PCDH15: variants seen among roughly 807,000 people sequenced by gnomAD.
The protein encoded by PCDH15 is protocadherin related 15.
In PCDH15, 129 loss-of-function variants were observed where a neutral mutation model predicts 178.5. The observed-to-expected ratio is 0.72, with a 90% CI of 0.63 to 0.84. The LOEUF (loss-of-function observed/expected upper bound fraction) is 0.84. PCDH15 is among the 40% of genes least tolerant of loss of function. The probability of loss-of-function intolerance (pLI) is 0.00; values close to 1 mark genes in which losing one functional copy is unlikely to be tolerated. For synonymous variants in PCDH15, 800 were observed against 732.0 expected (o/e 1.09, Z -1.50); for missense variants, 2,230 against 2,099.9 (o/e 1.06, Z -1.21).
chr10:54,106,646 T>C (rs747690903), intron 15 of PCDH15, among the ~76,000 whole-genome samples: 8 of 152,300 alleles, frequency 5.3e-5, no homozygotes, highest in South Asian at 4.1e-4. Flanking sequence ...TCAAGTGGTA[T>C]AGGATTAGAC....
At chr10:54,377,129 A>G (rs1055156631) in intron 4 of PCDH15, among the ~76,000 whole-genome samples, 5 of 152,276 alleles carry the variant, frequency 3.3e-5, no homozygotes, top group African/African-American at 1.2e-4. Flanking sequence ...ATTTAAATTA[A>G]TAAGTATTAT....
At chr10:55,026,111 A>T (rs964339656) in intron 2 of PCDH15, among the ~76,000 whole-genome samples, 1 of 152,030 alleles carries the variant, frequency 6.6e-6, no homozygotes, top group Non-Finnish European at 1.5e-5. Context: ...GTTTCACATT[A>T]TTCTACCACA....
At chr10:54,527,741 G>A in intron 3 of PCDH15, 71 bp downstream of exon 3, 1 of 1,325,764 alleles carries the variant, frequency 7.5e-7, no homozygotes, top group Non-Finnish European at 1.1e-6. Context: ...TCTACTCATA[G>A]TAGATTGAGA....
chr10:55,127,713 A>G (rs919968039), intron 2 of PCDH15, among the ~76,000 whole-genome samples: 1 of 152,074 alleles, frequency 6.6e-6, no homozygotes, highest in African/African-American at 2.4e-5. Context: ...TTTGTAATCA[A>G]TTGAGAAAAT....
At chr10:55,059,365 A>T (rs992634428) in intron 2 of PCDH15, among the ~76,000 whole-genome samples, 1 of 151,964 alleles carries the variant, frequency 6.6e-6, no homozygotes, top group African/African-American at 2.4e-5. Context: ...TCACTTTTCT[A>T]TCTGCCACTA....
In PCDH15 at chr10:54,242,726, T is replaced by C. The variant is rs1023804106; in HGVS notation, c.877-5795A>G. Among the ~76,000 whole-genome samples, 102 of 152,162 alleles carry C rather than the reference T, an allele frequency of 6.7e-4. 1 individual carries two copies. Among genetic ancestry groups the C allele is most frequent in the Non-Finnish European group, 1.0e-3 (68 of 68,006 alleles). On this transcript the variant is annotated intron_variant, in intron 8 of 37. Transcript: ENST00000644397. ...AAATATTCTCAACTTGGCATTTGAATGATGTCTTCATCTGAGTAACGTATA... is the reference window on the plus strand; with the variant it reads ...AAATATTCTCAACTTGGCATTTGAACGATGTCTTCATCTGAGTAACGTATA...
chr10:55,458,602 G>A (rs1839604445), intron 2 of PCDH15, among the ~76,000 whole-genome samples: 1 of 152,018 alleles, frequency 6.6e-6, no homozygotes, highest in African/African-American at 2.4e-5. Flanking sequence ...TCTATCAGAT[G>A]TCAGCATTAT....
At chr10:54,782,206 G>A (rs943389727) in intron 1 of PCDH15, among the ~76,000 whole-genome samples, 12 of 152,018 alleles carry the variant, frequency 7.9e-5, no homozygotes, top group African/African-American at 2.9e-4. Flanking sequence ...TTGAGGATGC[G>A]ATATGACTGC....
intron 2 of PCDH15, among the ~76,000 whole-genome samples, chr10:54,557,264 G>T (rs1464262905): frequency 6.6e-6 from 1 of 151,984 alleles, no homozygotes; most frequent in Non-Finnish European, 1.5e-5. Flanking sequence ...TAAGTCTTTG[G>T]GTAGATTCTA....
intron 2 of PCDH15, among the ~76,000 whole-genome samples, chr10:55,121,325 T>G (rs1310562555): frequency 6.7e-6 from 1 of 148,618 alleles, no homozygotes; most frequent in African/African-American, 2.4e-5. Context: ...ATTTTAGAAG[T>G]GTATTACTTG....
chr10:55,364,423 C>T (rs1845303429), intron 2 of PCDH15, among the ~76,000 whole-genome samples: 1 of 152,068 alleles, frequency 6.6e-6, no homozygotes, highest in East Asian at 1.9e-4. Context: ...TCCATGGTTT[C>T]TTCTGAGAAA....
At chr10:55,278,190 A>G (rs1267786370) in intron 1 of PCDH15, among the ~76,000 whole-genome samples, 2 of 152,174 alleles carry the variant, frequency 1.3e-5, no homozygotes, top group Non-Finnish European at 2.9e-5. Flanking sequence ...ACTTCAAAGG[A>G]ATTAAACAGA....
rs558470916 is a variant in PCDH15 at position 54,309,314 on chromosome 10, C to T, written c.876+7957G>A. On this transcript the variant is annotated intron_variant, in intron 8 of 37. Transcript: ENST00000644397. ...ATTTATACACACAAACATATATATA[C>T]GTACATACACACACACACACACACA... is the stretch of plus-strand genomic sequence containing the variant. Among the ~76,000 whole-genome samples the T allele has an allele frequency of 8.8e-3, 979 of 111,208 alleles. 10 individuals carry two copies. The highest frequency in any genetic ancestry group is 0.037 in the African/African-American group (918 of 25,004). The allele number at this position is 111,208 out of a possible 152,430, so 73.0% of individuals were successfully genotyped here.
At chr10:54,288,811 A>T (rs1431532823) in intron 8 of PCDH15, among the ~76,000 whole-genome samples, 1 of 152,122 alleles carries the variant, frequency 6.6e-6, no homozygotes, top group East Asian at 1.9e-4. Flanking sequence ...TGGCTGGGGG[A>T]GGTGCGTCTG....
chr10:55,054,720 A>T (rs1210841315), intron 2 of PCDH15, among the ~76,000 whole-genome samples: 1 of 152,160 alleles, frequency 6.6e-6, no homozygotes, highest in Non-Finnish European at 1.5e-5. Context: ...GACTGGTGTT[A>T]GATGGCATCT....
intron 2 of PCDH15, among the ~76,000 whole-genome samples, chr10:54,636,047 AG>A (rs1438868087): frequency 2.0e-5 from 3 of 151,930 alleles, no homozygotes; most frequent in East Asian, 1.9e-4. Context: ...CAAAAAAGTA[AG>A]TAACGTTAAT....
intron 2 of PCDH15, among the ~76,000 whole-genome samples, chr10:55,540,111 TG>T (rs1331128328): frequency 2.6e-4 from 40 of 152,240 alleles, no homozygotes; most frequent in African/African-American, 9.4e-4. Flanking sequence ...TATCACCAAT[TG>T]ATACAACTCA....
chr10:55,136,712 C>A (rs1475426067), intron 2 of PCDH15, among the ~76,000 whole-genome samples: 1 of 151,942 alleles, frequency 6.6e-6, no homozygotes, highest in Non-Finnish European at 1.5e-5. Context: ...AAAACTAAAG[C>A]AAAGTAATAT....
intron 2 of PCDH15, among the ~76,000 whole-genome samples, chr10:55,377,179 CT>C (rs1837413914): frequency 6.7e-6 from 1 of 148,232 alleles, no homozygotes; most frequent in African/African-American, 2.5e-5. Context: ...GAAAAACAGA[CT>C]GGAAGTACTG....
Sources: gnomAD v4.1 joint callset for allele counts (sites outside exome capture counted in the v4.1 genomes callset) on GRCh38, gnomAD v4.1.1 for gene constraint, MANE v1.5 for transcripts, NCBI Gene and HGNC (gene_info 2026-07-23, HGNC 2026-07-21) for gene names.